IGF1R: variants seen among roughly 807,000 people sequenced by gnomAD.
IGF1R encodes the protein insulin like growth factor 1 receptor, also known as insulin-like growth factor 1 receptor.
In IGF1R, 44 loss-of-function variants were observed where a neutral mutation model predicts 144.6. The ratio of observed to expected loss-of-function variants is 0.30; its 90% CI spans 0.24 to 0.39. The LOEUF (loss-of-function observed/expected upper bound fraction) is 0.39, where lower values mean the gene tolerates loss of function less well. Ranked by LOEUF, IGF1R falls within the 10% of genes least tolerant of loss-of-function variation. The probability of loss-of-function intolerance (pLI) is 1.00; values close to 1 mark genes in which losing one functional copy is unlikely to be tolerated. For missense variants in IGF1R, 1,355 were observed against 1,833.7 expected (o/e 0.74, Z 4.77); for synonymous variants, 795 against 722.8 (o/e 1.10, Z -1.60).
intron 1 of IGF1R, among the ~76,000 whole-genome samples, chr15:98,672,887 G>A (rs1187440011): frequency 6.6e-6 from 1 of 152,188 alleles, no homozygotes. Flanking sequence ...GTTAACAAAT[G>A]TTTCTGGGTG....
At position 98,935,228 on chromosome 15, in the gene IGF1R, G is replaced by A. The variant is rs1257376479; in HGVS notation, c.3187-88G>A. ...CAGACCCCTGTGCTCAGACCAGGCC[G>A]CAGCACCACAGAGACAGTTCCAGAC... is the stretch of plus-strand genomic sequence containing the variant. On this transcript the variant is annotated intron_variant, in intron 16 of 20. Transcript: ENST00000650285. The surrounding 1 kb of genome is among the most constrained non-coding windows in gnomAD (Gnocchi z 4.2). 37 of 1,016,072 alleles carry A rather than the reference G, an allele frequency of 3.6e-5. No individual in the cohort carries two copies. Among genetic ancestry groups the A allele is most frequent in the Non-Finnish European group, 5.2e-5 (34 of 659,606 alleles). The allele number at this position is 1,016,072 out of a possible 1,614,324, so 62.9% of individuals were successfully genotyped here. A position where few individuals can be genotyped will look rare whatever the true frequency, so the allele number is the denominator to read the frequency against.
At chr15:98,703,811 T>C (rs191194839) in intron 1 of IGF1R, among the ~76,000 whole-genome samples, 2 of 152,356 alleles carry the variant, frequency 1.3e-5, no homozygotes, top group African/African-American at 4.8e-5. Flanking sequence ...TGCTTCAGTC[T>C]TTGTCTTCAT....
chr15:98,650,539 C>T (rs41449248), intron 1 of IGF1R, among the ~76,000 whole-genome samples: 2,433 of 152,344 alleles, frequency 0.016, 54 homozygotes, highest in African/African-American at 0.056. Context: ...GTACTAGGGC[C>T]GCATCCGAGT....
chr15:98,721,348 T>G (rs1485222905), intron 2 of IGF1R, among the ~76,000 whole-genome samples: 1 of 152,252 alleles, frequency 6.6e-6, no homozygotes, highest in Non-Finnish European at 1.5e-5. Flanking sequence ...AAACCACTTG[T>G]GGGTTAGGAC....
rs1255169493 is a variant in IGF1R, at chr15:98,779,459, C to A, written c.640+71352C>A. On this transcript the variant is annotated intron_variant, in intron 2 of 20. Coordinates refer to ENST00000650285, the MANE Select transcript of IGF1R (RefSeq NM_000875.5). ...AGATACTAATTCATTTAATCCTCAG[C>A]CTGGTTAGGTAAGTACTGCTATTCC... Among the ~76,000 whole-genome samples, 4 of 152,156 alleles carry A rather than the reference C, an allele frequency of 2.6e-5. No homozygotes were observed. In the East Asian group the frequency reaches 7.7e-4, roughly 29 times the overall value.
intron 2 of IGF1R, among the ~76,000 whole-genome samples, chr15:98,857,359 C>T (rs1279357194): frequency 1.3e-5 from 2 of 152,186 alleles, no homozygotes; most frequent in African/African-American, 4.8e-5. Context: ...TCTGAGATTA[C>T]AGGCATGTGC....
intron 2 of IGF1R, among the ~76,000 whole-genome samples, chr15:98,805,326 G>A (rs1197490262): frequency 6.6e-6 from 1 of 151,774 alleles, no homozygotes; most frequent in East Asian, 1.9e-4. Flanking sequence ...CTTTGTGTTT[G>A]GCCGAAACAT....
chr15:98,765,861 G>T (rs1001207770), intron 2 of IGF1R, among the ~76,000 whole-genome samples: 3 of 152,188 alleles, frequency 2.0e-5, no homozygotes, highest in African/African-American at 7.2e-5. Context: ...GGTGTCCATG[G>T]TCCAGCAGGG....
intron 19 of IGF1R, among the ~76,000 whole-genome samples, chr15:98,944,802 C>G (rs943406360): frequency 6.6e-6 from 1 of 152,280 alleles, no homozygotes; most frequent in African/African-American, 2.4e-5. Context: ...TCCATGTTCA[C>G]TGCCTCACAA....
chr15:98,786,521 T>G (rs1004104173), intron 2 of IGF1R, among the ~76,000 whole-genome samples: 1 of 152,202 alleles, frequency 6.6e-6, no homozygotes, highest in Non-Finnish European at 1.5e-5. Context: ...TGCTTTGTGC[T>G]CCTTTGCCTA....
intron 1 of IGF1R, among the ~76,000 whole-genome samples, chr15:98,655,500 C>T (rs2052464365): frequency 6.6e-6 from 1 of 152,086 alleles, no homozygotes; most frequent in African/African-American, 2.4e-5. Context: ...CGTTTTCCCT[C>T]CCTCTTTTCT....
intron 2 of IGF1R, among the ~76,000 whole-genome samples, chr15:98,786,166 T>A (rs1193372493): frequency 6.6e-6 from 1 of 152,184 alleles, no homozygotes; most frequent in Non-Finnish European, 1.5e-5. Context: ...AGTATTCAGT[T>A]TCCCCACCAG....
chr15:98,729,545 A>C (rs1046302619), intron 2 of IGF1R, among the ~76,000 whole-genome samples: 5 of 145,188 alleles, frequency 3.4e-5, no homozygotes, highest in African/African-American at 1.3e-4. Context: ...ACTGTGCATT[A>C]AGAAAAACCC....
At chr15:98,709,256 A>G (rs2053937413) in intron 2 of IGF1R, among the ~76,000 whole-genome samples, 1 of 152,262 alleles carries the variant, frequency 6.6e-6, no homozygotes. Context: ...TAAAGTAAAT[A>G]AAGGACAGAC....
chr15:98,925,933 G>A (rs911926501), intron 13 of IGF1R, among the ~76,000 whole-genome samples: 95 of 152,018 alleles, frequency 6.2e-4, no homozygotes, highest in African/African-American at 2.1e-3. Flanking sequence ...AAAAAACAGC[G>A]CACTCAATAG....
At chr15:98,884,738 T>G (rs2013555442) in intron 2 of IGF1R, among the ~76,000 whole-genome samples, 1 of 147,956 alleles carries the variant, frequency 6.8e-6, no homozygotes, top group Non-Finnish European at 1.5e-5. Context: ...GTCCTGGACA[T>G]ATCTTGAATC....
rs1251878325 is a variant in IGF1R, at chr15:98,707,179, A to G, written c.95-383A>G. On this transcript the variant is annotated intron_variant, in intron 1 of 20. Transcript: ENST00000650285. The surrounding 1 kb of genome is among the most constrained non-coding windows in gnomAD (Gnocchi z 6.7). ...CTGAGCTGTCGTTCAGGCCTTGGCA[A>G]CTGACGCTCTGCAGAACGGACCAGG... 1.3e-5 allele frequency among the ~76,000 whole-genome samples: 2 copies of G among 152,226 alleles called. No homozygotes were observed.
intron 2 of IGF1R, among the ~76,000 whole-genome samples, chr15:98,866,820 T>C (rs2012475711): frequency 6.6e-6 from 1 of 152,180 alleles, no homozygotes; most frequent in African/African-American, 2.4e-5. Context: ...TGTGTGAAAG[T>C]GAAAGTTTTA....
At chr15:98,914,799 T>G (rs2015172611) in intron 8 of IGF1R, among the ~76,000 whole-genome samples, 1 of 152,202 alleles carries the variant, frequency 6.6e-6, no homozygotes, top group Non-Finnish European at 1.5e-5. Flanking sequence ...GACGAGAACT[T>G]GGTCCTCTGC....
Sources: allele counts gnomAD v4.1 joint callset (sites outside exome capture counted in the v4.1 genomes callset), GRCh38; gene constraint gnomAD v4.1.1; non-coding constraint Gnocchi (gnomAD v3.1); transcripts MANE v1.5; gene names NCBI Gene and HGNC (gene_info 2026-07-23, HGNC 2026-07-21).